Variants in DEPDC5 observed in about 807,000 individuals in gnomAD.
The protein encoded by DEPDC5 is DEP domain containing 5, GATOR1 subcomplex subunit, also known as GATOR1 complex protein DEPDC5.
DEPDC5 carries 73 observed loss-of-function variants against 217.3 expected under a neutral mutation model. The ratio of observed to expected loss-of-function variants is 0.34; its 90% CI spans 0.28 to 0.41. The LOEUF (loss-of-function observed/expected upper bound fraction) is 0.41. Ranked by LOEUF, DEPDC5 falls within the 10% of genes least tolerant of loss-of-function variation. The pLI, the probability that DEPDC5 is intolerant of heterozygous loss-of-function variation, is 1.00. For missense variants in DEPDC5, 1,675 were observed against 2,070.1 expected, an observed-to-expected ratio of 0.81 and a Z score of 3.70; for synonymous variants, 733 against 756.7, an observed-to-expected ratio of 0.97 and a Z score of 0.51.
chr22:31,896,819 TTAAATTCCTGGTAAAG>T (rs1271716414), intron 39 of DEPDC5, among the ~76,000 whole-genome samples: 3 of 152,178 alleles, frequency 2.0e-5, no homozygotes, highest in African/African-American at 4.8e-5. Context: ...TTTGAACTTA[TTAAATTCCTGGTAAAG>T]TACAAAATTA....
chr22:31,770,060 TA>T (rs1191850236), intron 7 of DEPDC5, among the ~76,000 whole-genome samples: 4 of 134,546 alleles, frequency 3.0e-5, no homozygotes, highest in Admixed American at 2.3e-4. Context: ...AAATAGTCTC[TA>T]AAAAAAAGAG....
intron 38 of DEPDC5, among the ~76,000 whole-genome samples, chr22:31,890,850 C>T (rs891403924): frequency 7.9e-5 from 12 of 151,896 alleles, no homozygotes; most frequent in East Asian, 1.9e-4. Context: ...CTCAGCCTCC[C>T]GAGTAGCTGG....
At chr22:31,868,736 T>C (rs1173902130) in intron 33 of DEPDC5, among the ~76,000 whole-genome samples, 1 of 152,226 alleles carries the variant, frequency 6.6e-6, no homozygotes, top group South Asian at 2.1e-4. Context: ...TGAGAAGCTT[T>C]GTTTTAGAAA....
At position 31,876,200 on chromosome 22, in the gene DEPDC5, C is replaced by G. The variant is rs551774513; in HGVS notation, c.3740C>G (p.Ala1247Gly). The G allele has an allele frequency of 6.2e-7, 1 of 1,614,038 alleles. No individual in the cohort carries two copies. The highest frequency in any genetic ancestry group is 1.3e-5 in the African/African-American group (1 of 74,948). The change falls in exon 37 of 43, where the codon GCC (alanine) becomes GGC (glycine). Residue 1247 changes from alanine (A) to glycine (G), a missense_variant. Coordinates refer to ENST00000651528, the MANE Select transcript of DEPDC5 (RefSeq NM_001242896.3). ...CTCATCACACATGCATCTGGCGAAG[C>G]CTGGCGGACCTTCATCTACGGCTTC... ...EQLITHASGE[A>G]WRTFIYGFYF...
chr22:31,857,310 G>T (rs2092338429), intron 31 of DEPDC5, 135 bp from the exon 32 acceptor site: 5 of 673,244 alleles, frequency 7.4e-6, no homozygotes, highest in Admixed American at 2.8e-5. Context: ...TATCATGAAG[G>T]TCTGGAAAGG....
chr22:31,858,628 A>G (rs2092391704), intron 32 of DEPDC5: 2 of 152,250 alleles, frequency 1.3e-5, no homozygotes, highest in South Asian at 4.1e-4. Context: ...AAAAATAATT[A>G]TATACTTTTT....
intron 31 of DEPDC5, among the ~76,000 whole-genome samples, chr22:31,852,027 C>T (rs2092054129): frequency 6.6e-6 from 1 of 152,176 alleles, no homozygotes; most frequent in South Asian, 2.1e-4. Context: ...CCCATCTCTA[C>T]AAAAAATTAG....
At chr22:31,760,846 G>A (rs2082327920) in intron 4 of DEPDC5, 144 bp downstream of exon 4, 1 of 694,968 alleles carries the variant, frequency 1.4e-6, no homozygotes. Flanking sequence ...AATTCAGGCA[G>A]TACATGGGAA....
intron 24 of DEPDC5, among the ~76,000 whole-genome samples, chr22:31,825,120 A>G (rs1249070419): frequency 6.6e-6 from 1 of 152,044 alleles, no homozygotes; most frequent in Non-Finnish European, 1.5e-5. Flanking sequence ...CTACTCTGGG[A>G]CTCATTTGAC....
Position 31,848,565 on chromosome 22 carries a change from G to A in DEPDC5, c.3155+1598G>A, listed in dbSNP as rs143430053. Among the ~76,000 whole-genome samples the A allele has an allele frequency of 3.5e-4, 54 of 152,138 alleles. No individual in the cohort carries two copies. In the East Asian group the frequency reaches 7.0e-3, roughly 20 times the overall value. ...CTGGAGTGGTTGGGATGCAGTGCAC[G>A]GAGTCCCTAGGCAGCACACAGCAGG... is the stretch of plus-strand genomic sequence containing the variant. On this transcript the variant is annotated intron_variant, in intron 31 of 42. Transcript: ENST00000651528.
rs1183087904 is a variant in DEPDC5, at chr22:31,764,983, A to G, written c.202A>G (p.Ser68Gly). 3 of 1,613,448 alleles carry G rather than the reference A, an allele frequency of 1.9e-6. No individual in the cohort carries two copies. Among genetic ancestry groups the G allele is most frequent in the South Asian group, 1.1e-5 (1 of 91,034 alleles). Residue 68 changes from serine to glycine, a missense_variant, in exon 5 of 43, where the codon AGT (serine) becomes GGT (glycine). Transcript: ENST00000651528. The part of the protein sequence containing the change: ...LKEDLQKETI[S>G]VDQTVTQVFR... The stretch of plus-strand genomic sequence containing the variant: ...TATTGTTTCTGTTTTAGAAACTATC[A>G]GTGTGGACCAGACTGTGACTCAAGT...
chr22:31,791,118 G>A (rs1274273200), intron 10 of DEPDC5, among the ~76,000 whole-genome samples: 2 of 151,968 alleles, frequency 1.3e-5, no homozygotes, highest in Non-Finnish European at 2.9e-5. Flanking sequence ...CCAGCTACTC[G>A]GGAACTGGGA....
intron 32 of DEPDC5, chr22:31,858,367 G>C (rs1029516995): frequency 6.6e-6 from 1 of 152,060 alleles, no homozygotes. Context: ...AAACTCCATG[G>C]GTCTTTTAAG....
At chr22:31,791,795 C>T (rs571952416) in intron 10 of DEPDC5, among the ~76,000 whole-genome samples, 7 of 149,086 alleles carry the variant, frequency 4.7e-5, no homozygotes, top group African/African-American at 1.2e-4. Context: ...GGCATGGTGG[C>T]GTGCGTCTGT....
intron 8 of DEPDC5, 51 bp downstream of exon 8, chr22:31,778,219 C>T (rs1486680054): frequency 6.5e-7 from 1 of 1,550,314 alleles, no homozygotes; most frequent in East Asian, 2.2e-5. Flanking sequence ...ACTATTATGG[C>T]TAAGTCCTAA....
At chr22:31,847,014 G>C in intron 31 of DEPDC5, 47 bp downstream of exon 31, 4 of 1,612,970 alleles carry the variant, frequency 2.5e-6, no homozygotes, top group Non-Finnish European at 3.4e-6. Flanking sequence ...TGACAGCCCT[G>C]AGGGTTTTCA....
intron 6 of DEPDC5, among the ~76,000 whole-genome samples, chr22:31,767,039 A>G (rs896286515): frequency 2.6e-5 from 4 of 152,188 alleles, no homozygotes; most frequent in Non-Finnish European, 5.9e-5. Context: ...GTAATTGCCC[A>G]AGGCTAGATA....
chr22:31,853,971 G>A (rs138529563), intron 31 of DEPDC5, among the ~76,000 whole-genome samples: 3 of 152,340 alleles, frequency 2.0e-5, no homozygotes, highest in African/African-American at 4.8e-5. Context: ...GGGCGTCTGC[G>A]TGCTTTTACC....
At chr22:31,791,203 T>C (rs548356272) in intron 10 of DEPDC5, among the ~76,000 whole-genome samples, 6 of 152,218 alleles carry the variant, frequency 3.9e-5, no homozygotes, top group African/African-American at 9.6e-5. Context: ...TAGATAACTT[T>C]CCTAAAGTCA....
Sources: gnomAD v4.1 joint callset for allele counts (sites outside exome capture counted in the v4.1 genomes callset) on GRCh38, gnomAD v4.1.1 for gene constraint, MANE v1.5 for transcripts, NCBI Gene and HGNC (gene_info 2026-07-23, HGNC 2026-07-21) for gene names.